The following MED26 variants were observed in gnomAD, a reference collection of about 807,000 sequenced individuals.
The protein encoded by MED26 is mediator of RNA polymerase II transcription subunit 26.
In MED26, 7 loss-of-function variants were observed where a neutral mutation model predicts 43.7. The ratio of observed to expected loss-of-function variants is 0.16; its 90% CI spans 0.09 to 0.30. The LOEUF (loss-of-function observed/expected upper bound fraction) is 0.30. MED26 is among the 10% of genes least tolerant of loss of function. The probability of loss-of-function intolerance (pLI) is 1.00; values close to 1 mark genes in which losing one functional copy is unlikely to be tolerated. For synonymous variants in MED26, 375 were observed against 371.1 expected, an observed-to-expected ratio of 1.01 and a Z score of -0.12; for missense variants, 784 against 840.6, an observed-to-expected ratio of 0.93 and a Z score of 0.83.
At chr19:16,623,675 G>C (rs1281788780) in intron 1 of MED26, among the ~76,000 whole-genome samples, 2 of 152,140 alleles carry the variant, frequency 1.3e-5, no homozygotes, top group Middle Eastern at 3.2e-3. Flanking sequence ...ACATACACTT[G>C]TAGGGGACGT....
At chr19:16,603,769 G>C (rs1303900092) in intron 1 of MED26, among the ~76,000 whole-genome samples, 1 of 152,166 alleles carries the variant, frequency 6.6e-6, no homozygotes, top group Non-Finnish European at 1.5e-5. Flanking sequence ...GACCAGGGGA[G>C]CTAGGGCATT....
chr19:16,603,108 C>G (rs2086157192), intron 1 of MED26, among the ~76,000 whole-genome samples: 1 of 152,238 alleles, frequency 6.6e-6, no homozygotes, highest in Non-Finnish European at 1.5e-5. Context: ...CCTCAGGCAT[C>G]TTTTAGGTGG....
Position 16,628,024 on chromosome 19 carries a change from G to C in MED26, c.-81C>G. ...GGGGACGGGGGTCACTCACTCGCCGGCCTCCGGGAGCCGGAGCCGCATGTT... is the reference window on the plus strand; with the variant it reads ...GGGGACGGGGGTCACTCACTCGCCGCCCTCCGGGAGCCGGAGCCGCATGTT... On this transcript the variant is annotated 5_prime_UTR_variant, in exon 1 of 3. Coordinates refer to ENST00000263390, the MANE Select transcript of MED26 (RefSeq NM_004831.5). 1 of 855,100 alleles carries C rather than the reference G, an allele frequency of 1.2e-6. No homozygotes were observed. The allele number at this position is 855,100 out of a possible 1,614,324, so 53.0% of individuals were successfully genotyped here.
intron 1 of MED26, chr19:16,597,444 A>G: frequency 2.5e-6 from 1 of 398,658 alleles, no homozygotes; most frequent in East Asian, 3.6e-5. Flanking sequence ...GTTGTTTCAC[A>G]CCGCACTTCC....
chr19:16,593,606 T>C (rs2086107748), intron 1 of MED26, among the ~76,000 whole-genome samples: 1 of 152,142 alleles, frequency 6.6e-6, no homozygotes, highest in South Asian at 2.1e-4. Flanking sequence ...TTCACTCCAA[T>C]ATCACAAACA....
In MED26 at chr19:16,575,388, A is replaced by G. The variant is rs2085987718; in HGVS notation, c.*639T>C. ...AAAACTGGGTTATAACTGAAACCAG[A>G]TATAAACAGGTGGCTGCCCATGGAG... On this transcript the variant is annotated 3_prime_UTR_variant, in exon 3 of 3. Coordinates refer to ENST00000263390, the MANE Select transcript of MED26 (RefSeq NM_004831.5). The G allele has an allele frequency of 6.5e-6, 1 of 152,794 alleles. No individual in the cohort carries two copies. Among genetic ancestry groups the G allele is most frequent in the African/African-American group, 2.4e-5 (1 of 41,458 alleles). 9.5% of individuals were successfully genotyped at this position (152,794 alleles called of 1,614,324 possible).
chr19:16,599,128 C>T (rs940810176), intron 1 of MED26, among the ~76,000 whole-genome samples: 9 of 152,126 alleles, frequency 5.9e-5, no homozygotes, highest in African/African-American at 1.9e-4. Context: ...CAGATGCCAT[C>T]GAATCATTTT....
chr19:16,621,942 A>G (rs1479352402), intron 1 of MED26, among the ~76,000 whole-genome samples: 2 of 152,112 alleles, frequency 1.3e-5, no homozygotes, highest in East Asian at 3.9e-4. Context: ...TCTCAAGCCC[A>G]GACACCCCAA....
At chr19:16,616,606 T>C (rs757904917) in intron 1 of MED26, among the ~76,000 whole-genome samples, 1 of 152,080 alleles carries the variant, frequency 6.6e-6, no homozygotes, top group Non-Finnish European at 1.5e-5. Flanking sequence ...CAGCACAGCA[T>C]GACAAAGGCA....
At chr19:16,625,630 A>G (rs1223727605) in intron 1 of MED26, among the ~76,000 whole-genome samples, 1 of 151,698 alleles carries the variant, frequency 6.6e-6, no homozygotes, top group Non-Finnish European at 1.5e-5. Context: ...GAGAGGAGAG[A>G]GCGGCACGCC....
At chr19:16,580,623 G>A (rs529504618) in intron 1 of MED26, among the ~76,000 whole-genome samples, 6 of 151,990 alleles carry the variant, frequency 3.9e-5, no homozygotes, top group African/African-American at 1.4e-4. Flanking sequence ...TGCCCTCCTC[G>A]GCCTCCCAAA....
In MED26 at chr19:16,595,247, C is replaced by T. The variant is rs151309494; in HGVS notation, c.73-16838G>A. Among the ~76,000 whole-genome samples, 75 of 152,268 alleles carry T rather than the reference C, an allele frequency of 4.9e-4. 1 individual carries two copies. The highest frequency in any genetic ancestry group is 1.7e-3 in the African/African-American group (72 of 41,532). On this transcript the variant is annotated intron_variant, in intron 1 of 2. Coordinates refer to ENST00000263390, the MANE Select transcript of MED26 (RefSeq NM_004831.5). ...CCTCAAACCCAACTCGTGACACGTG[C>T]GCACCTCTTTCCAGCTCTGTGACTG...
At chr19:16,590,250 C>T (rs1416983585) in intron 1 of MED26, among the ~76,000 whole-genome samples, 1 of 152,186 alleles carries the variant, frequency 6.6e-6, no homozygotes. Context: ...CACAGATACG[C>T]CCCCTCCACC....
intron 1 of MED26, among the ~76,000 whole-genome samples, chr19:16,606,552 AAAAATAAAAAT>A (rs930200120): frequency 3.3e-5 from 5 of 152,222 alleles, no homozygotes; most frequent in Non-Finnish European, 5.9e-5. Flanking sequence ...CCGTCTCAAA[AAAAATAAAAAT>A]AAAATAAAAA....
intron 1 of MED26, 40 bp from the exon 2 acceptor site, chr19:16,578,449 C>G (rs1385612171): frequency 6.3e-7 from 1 of 1,589,966 alleles, no homozygotes; most frequent in East Asian, 2.2e-5. Flanking sequence ...CCCTGTCCTT[C>G]TCCACTGGGA....
chr19:16,589,643 C>T (rs977308516), intron 1 of MED26, among the ~76,000 whole-genome samples: 1 of 152,160 alleles, frequency 6.6e-6, no homozygotes, highest in African/African-American at 2.4e-5. Flanking sequence ...AAGATGGCTT[C>T]AGGGGAAAGG....
rs139614471 is a variant in MED26 at position 16,590,722 on chromosome 19, T to C, written c.73-12313A>G. Among the ~76,000 whole-genome samples, 868 of 152,308 alleles carry C rather than the reference T, an allele frequency of 5.7e-3. 10 individuals carry two copies. The highest frequency in any genetic ancestry group is 0.019 in the African/African-American group (786 of 41,560). On this transcript the variant is annotated intron_variant, in intron 1 of 2. Coordinates refer to ENST00000263390, the MANE Select transcript of MED26 (RefSeq NM_004831.5). ...ATATACTTCTGCTATGCGCAGTTTA[T>C]TGTATGTCAATTATATCTCAATAAA...
At chr19:16,611,339 A>C (rs911832805) in intron 1 of MED26, 4 of 152,252 alleles carry the variant, frequency 2.6e-5, no homozygotes, top group Non-Finnish European at 4.4e-5. Flanking sequence ...GAACATGAAG[A>C]ACATGACTGG....
intron 1 of MED26, among the ~76,000 whole-genome samples, chr19:16,619,410 T>C (rs531273543): frequency 1.3e-5 from 2 of 152,300 alleles, no homozygotes; most frequent in East Asian, 3.9e-4. Flanking sequence ...GGAACGAGGA[T>C]GTGGCCACCT....
Sources: gnomAD v4.1 joint callset for allele counts (sites outside exome capture counted in the v4.1 genomes callset) on GRCh38, gnomAD v4.1.1 for gene constraint, MANE v1.5 for transcripts, NCBI Gene and HGNC (gene_info 2026-07-23, HGNC 2026-07-21) for gene names.